Variants in UGCG observed in about 807,000 individuals in gnomAD.
UGCG encodes UDP-glucose ceramide glucosyltransferase.
Under a neutral mutation model 49.5 loss-of-function variants are expected in UGCG, and 10 were observed. The ratio of observed to expected loss-of-function variants is 0.20; its 90% CI spans 0.12 to 0.34. The LOEUF (loss-of-function observed/expected upper bound fraction) is 0.34. UGCG is among the 10% of genes least tolerant of loss of function. The pLI, the probability that UGCG is intolerant of heterozygous loss-of-function variation, is 1.00. For synonymous variants in UGCG, 182 were observed against 158.2 expected (o/e 1.15, Z -1.13); for missense variants, 312 against 483.7 (o/e 0.65, Z 3.33).
chr9:111,903,480 G>T (rs141044355), intron 1 of UGCG, among the ~76,000 whole-genome samples: 1 of 152,272 alleles, frequency 6.6e-6, no homozygotes, highest in South Asian at 2.1e-4. Context: ...CAGGAGAATC[G>T]CTTGAACCCA....
chr9:111,931,487 T>C, intron 7 of UGCG, 130 bp downstream of exon 7: 2 of 770,570 alleles, frequency 2.6e-6, no homozygotes, highest in Non-Finnish European at 4.1e-6. Context: ...TTGCAGAAAA[T>C]AGAGTTTAAC....
chr9:111,916,332 C>CT (rs1838109118), intron 2 of UGCG, among the ~76,000 whole-genome samples: 3 of 152,192 alleles, frequency 2.0e-5, no homozygotes. Flanking sequence ...TAACCATCCT[C>CT]TTTCACTTTC....
chr9:111,931,777 A>T (rs1437465755), intron 7 of UGCG, among the ~76,000 whole-genome samples: 1 of 152,160 alleles, frequency 6.6e-6, no homozygotes, highest in Non-Finnish European at 1.5e-5. Flanking sequence ...CTGTAATCCC[A>T]GCGCTTTGGG....
intron 3 of UGCG, among the ~76,000 whole-genome samples, chr9:111,923,401 T>C (rs949990674): frequency 6.6e-6 from 1 of 151,846 alleles, no homozygotes; most frequent in Non-Finnish European, 1.5e-5. Flanking sequence ...GTGGTCTCTC[T>C]AAAAAACCAG....
chr9:111,897,966 T>G (rs1007734320), intron 1 of UGCG, among the ~76,000 whole-genome samples: 2 of 148,668 alleles, frequency 1.3e-5, no homozygotes, highest in Non-Finnish European at 3.0e-5. Context: ...CATCTTTTCA[T>G]TTTTGTTTAA....
At chr9:111,897,914 T>C (rs1385218542) in intron 1 of UGCG, among the ~76,000 whole-genome samples, 1 of 150,324 alleles carries the variant, frequency 6.7e-6, no homozygotes, top group Non-Finnish European at 1.5e-5. Context: ...AGTTCCTCGT[T>C]TTATTGTTTT....
chr9:111,930,009 G>A (rs1007408565), intron 6 of UGCG, among the ~76,000 whole-genome samples: 2 of 151,970 alleles, frequency 1.3e-5, no homozygotes, highest in Admixed American at 1.3e-4. Context: ...GTAGAGATGG[G>A]GTTTCTTCAT....
chr9:111,933,021 A>G lies in UGCG; in HGVS notation c.*24A>G. ...AACTACAGCTTTGTGACTGTATATA[A>G]AGGAAAAAAGAGAAGTATTATAAAT... On this transcript the variant is annotated 3_prime_UTR_variant, in exon 9 of 9. Transcript: ENST00000374279. The G allele has an allele frequency of 6.9e-7, 1 of 1,458,028 alleles. No individual in the cohort carries two copies. The highest frequency in any genetic ancestry group is 1.8e-4 in the Middle Eastern group (1 of 5,482). The allele number at this position is 1,458,028 out of a possible 1,614,324, so 90.3% of individuals were successfully genotyped here. A position where few individuals can be genotyped will look rare whatever the true frequency, so the allele number is the denominator to read the frequency against.
At chr9:111,922,987 G>GATACTTA in intron 3 of UGCG, 36 bp downstream of exon 3, 1 of 1,373,472 alleles carries the variant, frequency 7.3e-7, no homozygotes, top group Non-Finnish European at 1.0e-6. Context: ...ATTTTCCATT[G>GATACTTA]ATAGTATTAA....
rs141186346 is a variant in UGCG, at chr9:111,918,041, T to G, written c.240+3295T>G. Among the ~76,000 whole-genome samples the G allele has an allele frequency of 2.1e-3, 320 of 152,206 alleles. 3 individuals carry two copies. The highest frequency in any genetic ancestry group is 7.4e-3 in the African/African-American group (306 of 41,536). On this transcript the variant is annotated intron_variant, in intron 2 of 8. Transcript: ENST00000374279. Reference sequence around the variant, plus strand: ...TTTTTCTTTTTTGCAATTATAGAATTGATTTTTTTTTTCCTTTTGAGGCAG... The same window carrying G: ...TTTTTCTTTTTTGCAATTATAGAATGGATTTTTTTTTTCCTTTTGAGGCAG...
chr9:111,906,206 G>A (rs983255347), intron 1 of UGCG, among the ~76,000 whole-genome samples: 1 of 152,102 alleles, frequency 6.6e-6, no homozygotes, highest in Admixed American at 6.6e-5. Context: ...GTAAATTAAA[G>A]TTCGTATGTT....
chr9:111,912,785 T>C (rs142944469), intron 1 of UGCG, among the ~76,000 whole-genome samples: 1 of 152,226 alleles, frequency 6.6e-6, no homozygotes, highest in African/African-American at 2.4e-5. Context: ...AGCACTGCGA[T>C]AGATGGTGCT....
intron 2 of UGCG, among the ~76,000 whole-genome samples, chr9:111,916,623 C>T (rs1019243144): frequency 6.6e-6 from 1 of 151,988 alleles, no homozygotes; most frequent in Non-Finnish European, 1.5e-5. Flanking sequence ...GCATGTGCTA[C>T]CACACCTGGC....
At position 111,932,264 on chromosome 9, in the gene UGCG, G is replaced by A; in HGVS notation, c.919G>A (p.Ala307Thr). The A allele has an allele frequency of 6.2e-7, 1 of 1,614,056 alleles. No individual in the cohort carries two copies. Among genetic ancestry groups the A allele is most frequent in the Non-Finnish European group, 8.5e-7 (1 of 1,179,924 alleles). The stretch of plus-strand genomic sequence containing the variant: ...TGCCAGTTTAATTATTGGATGGGCA[G>A]CCCACCATGTGTTCAGATGGGATAT... ...FVASLIIGWA[A>T]HHVFRWDIMV... Residue 307 changes from alanine (A) to threonine (T), a missense_variant, in exon 8 of 9, where the codon GCC becomes ACC. By Grantham distance (58) the Ala-to-Thr change is moderately conservative. Transcript: ENST00000374279.
At chr9:111,913,709 G>A (rs1838061433) in intron 1 of UGCG, among the ~76,000 whole-genome samples, 1 of 151,594 alleles carries the variant, frequency 6.6e-6, no homozygotes, top group African/African-American at 2.4e-5. Flanking sequence ...CAAAGTGCTG[G>A]GATTACACAG....
At chr9:111,920,427 T>C (rs1364819069) in intron 2 of UGCG, among the ~76,000 whole-genome samples, 10 of 152,138 alleles carry the variant, frequency 6.6e-5, no homozygotes. Context: ...AGTGGCGCAA[T>C]CTCGGCTCAC....
chr9:111,920,184 G>A (rs1377447007), intron 2 of UGCG, among the ~76,000 whole-genome samples: 1 of 151,990 alleles, frequency 6.6e-6, no homozygotes, highest in South Asian at 2.1e-4. Context: ...GGTAGATATT[G>A]GATAGAATAT....
chr9:111,921,790 T>C (rs945985569), intron 2 of UGCG, among the ~76,000 whole-genome samples: 1 of 142,970 alleles, frequency 7.0e-6, no homozygotes, highest in African/African-American at 2.6e-5. Context: ...TTAAAATAAA[T>C]GCCCCAGGGT....
chr9:111,906,645 G>T (rs1489855319), intron 1 of UGCG, among the ~76,000 whole-genome samples: 1 of 151,972 alleles, frequency 6.6e-6, no homozygotes, highest in Non-Finnish European at 1.5e-5. Flanking sequence ...GGCCAGGCTG[G>T]TCTTGAACTC....
Sources: gnomAD v4.1 joint callset for allele counts (sites outside exome capture counted in the v4.1 genomes callset) on GRCh38, gnomAD v4.1.1 for gene constraint, MANE v1.5 for transcripts, NCBI Gene and HGNC (gene_info 2026-07-23, HGNC 2026-07-21) for gene names.